The following EBNA1BP2 variants were observed in gnomAD, a reference collection of about 807,000 sequenced individuals.
EBNA1BP2 encodes the protein EBNA1 binding protein 2.
In EBNA1BP2, 36 loss-of-function variants were observed where a neutral mutation model predicts 43.5. That is an observed-to-expected ratio of 0.83 (90% CI 0.63 to 1.09). The LOEUF (loss-of-function observed/expected upper bound fraction) is 1.09, where lower values mean the gene tolerates loss of function less well. Among genes scored for constraint, EBNA1BP2 ranks in the 50% least tolerant of loss-of-function variants. The pLI is 0.00. For synonymous variants in EBNA1BP2, 127 were observed against 141.3 expected (o/e 0.90, Z 0.72); for missense variants, 332 against 379.1 (o/e 0.88, Z 1.03).
intron 3 of EBNA1BP2, chr1:43,171,089 TA>T (rs1178359412): frequency 3.2e-6 from 2 of 628,904 alleles, no homozygotes; most frequent in East Asian, 4.1e-5. Flanking sequence ...GGGGTGTTGC[TA>T]AAAATAGTTT....
intron 5 of EBNA1BP2, 28 bp from the exon 6 acceptor site, chr1:43,167,263 A>G (rs756941427): frequency 6.2e-7 from 1 of 1,605,486 alleles, no homozygotes; most frequent in African/African-American, 1.3e-5. Context: ...GGACCGTTAC[A>G]GCCATTCCAT....
At chr1:43,164,863 G>A in intron 7 of EBNA1BP2, 58 bp from the exon 8 acceptor site, 1 of 1,588,080 alleles carries the variant, frequency 6.3e-7, no homozygotes, top group Non-Finnish European at 8.6e-7. Flanking sequence ...TGAACCTGAT[G>A]GCCCAGCAAT....
In EBNA1BP2 at chr1:43,172,280, A is replaced by G; in HGVS notation, c.-162T>C. Reference sequence around the variant, plus strand: ...AATCGCTCCAGCGCCAGCAACTCACAGCTACTGCTCAACTTTTGATTGGGA... The same window carrying G: ...AATCGCTCCAGCGCCAGCAACTCACGGCTACTGCTCAACTTTTGATTGGGA... On this transcript the variant is annotated 5_prime_UTR_variant, in exon 1 of 9. Transcript: ENST00000236051. 1 of 1,552,580 alleles carries G rather than the reference A, an allele frequency of 6.4e-7. No homozygotes were observed. The highest frequency in any genetic ancestry group is 8.7e-7 in the Non-Finnish European group (1 of 1,147,372).
In EBNA1BP2 at chr1:43,164,256, T is replaced by C. The variant is rs769298575; in HGVS notation, c.*187A>G. ...TGTCTAAATTATCAATAGATAGCAA[T>C]GGAAAGTAACTTCTCAATCTTTTAG... On this transcript the variant is annotated 3_prime_UTR_variant, in exon 9 of 9. Transcript: ENST00000236051. 3.3e-5 allele frequency: 21 copies of C among 643,520 alleles called. No homozygotes were observed. Among genetic ancestry groups the C allele is most frequent in the Non-Finnish European group, 5.3e-5 (20 of 377,684 alleles). The allele number at this position is 643,520 out of a possible 1,614,324, so 39.9% of individuals were successfully genotyped here.
In EBNA1BP2 at chr1:43,170,811, T is replaced by C. The variant is rs1416385359; in HGVS notation, c.392A>G (p.Lys131Arg). 6.2e-7 allele frequency: 1 copy of C among 1,607,970 alleles called. No individual in the cohort carries two copies. The change falls in exon 4 of 9, where the codon AAG (lysine) becomes AGG (arginine). Residue 131 changes from lysine (K) to arginine (R), a missense_variant. Transcript: ENST00000236051. ...PRLHQLKVPT[K>R]RPTDYFAEMA... ...TTCCGCAAAATAATCAGTGGGTCGC[T>C]TCGTAGGGACTTTGAGCTGATGGAG...
chr1:43,170,850 G>A lies in EBNA1BP2; in HGVS notation c.353C>T (p.Ala118Val). Residue 118 changes from alanine to valine, a missense_variant, in exon 4 of 9, where the codon GCA (alanine) becomes GTA (valine). Ala to Val is a moderately conservative substitution (Grantham distance 64). Around this residue, in one of 3 missense-constraint regions of EBNA1BP2, gnomAD observed 182 missense variants for 173.7 expected, o/e 1.05. Coordinates refer to ENST00000236051, the MANE Select transcript of EBNA1BP2 (RefSeq NM_006824.3). ...FYRQAQAAVL[A>V]VLPRLHQLKV... ...GAGCTGATGGAGGCGGGGTAAGACT[G>A]CAAGCACTGCGGCCTGGGCTTGGCG... The A allele has an allele frequency of 6.3e-7, 1 of 1,596,592 alleles. No individual in the cohort carries two copies. Among genetic ancestry groups the A allele is most frequent in the Non-Finnish European group, 8.5e-7 (1 of 1,173,314 alleles).
intron 4 of EBNA1BP2, 26 bp downstream of exon 4, chr1:43,170,730 T>A: frequency 1.3e-6 from 2 of 1,599,198 alleles, no homozygotes; most frequent in South Asian, 1.1e-5. Flanking sequence ...GTTTTGACTT[T>A]CCAGAGGAAA....
chr1:43,166,955 G>A (rs765401823), intron 6 of EBNA1BP2, 36 bp from the exon 7 acceptor site: 6 of 1,597,270 alleles, frequency 3.8e-6, no homozygotes, highest in Non-Finnish European at 5.1e-6. Flanking sequence ...CAGCACCATT[G>A]TATTTTAAGA....
intron 5 of EBNA1BP2, among the ~76,000 whole-genome samples, chr1:43,168,569 T>C (rs1439782091): frequency 6.6e-6 from 1 of 152,208 alleles, no homozygotes; most frequent in Non-Finnish European, 1.5e-5. Flanking sequence ...TGGAAAGCTT[T>C]TGGGGAAGAG....
At position 43,172,238 on chromosome 1, in the gene EBNA1BP2, G is replaced by A; in HGVS notation, c.-120C>T. 1 of 1,564,324 alleles carries A rather than the reference G, an allele frequency of 6.4e-7. No individual in the cohort carries two copies. The highest frequency in any genetic ancestry group is 8.7e-7 in the Non-Finnish European group (1 of 1,153,446). ...CTTCAGCCCCCTACTCCCACGCCGT[G>A]GCTCCACGTGCCACCGAATCGCTCC... On this transcript the variant is annotated 5_prime_UTR_variant, in exon 1 of 9. Transcript: ENST00000236051.
At chr1:43,171,126 C>G in intron 3 of EBNA1BP2, 1 of 489,168 alleles carries the variant, frequency 2.0e-6, no homozygotes, top group Non-Finnish European at 3.3e-6. Flanking sequence ...CTAAAGGTAC[C>G]CATTAACACA....
intron 5 of EBNA1BP2, among the ~76,000 whole-genome samples, chr1:43,168,522 C>T (rs1344756897): frequency 6.6e-6 from 1 of 152,148 alleles, no homozygotes; most frequent in African/African-American, 2.4e-5. Context: ...TCACATAGAT[C>T]AGTGAATCCC....
In EBNA1BP2 at chr1:43,170,734, G is replaced by A. The variant is rs115892128; in HGVS notation, c.447+22C>T. On this transcript the variant is annotated intron_variant, in intron 4 of 8. Coordinates refer to ENST00000236051, the MANE Select transcript of EBNA1BP2 (RefSeq NM_006824.3). ...TTAAGTACAAAGTTTTGACTTTCCA[G>A]AGGAAAACTTCTATTTCTTACCTTC... The A allele has an allele frequency of 3.9e-3, 6,243 of 1,599,460 alleles. 208 individuals carry two copies. The African/African-American group carries it at 0.073, about 19-fold the overall frequency.
At chr1:43,172,554 G>C, upstream of EBNA1BP2, 1 of 889,632 alleles carries the variant, frequency 1.1e-6, no homozygotes, top group Non-Finnish European at 1.7e-6. Flanking sequence ...TGGCGCGGAG[G>C]AGGACCCCGG....
intron 4 of EBNA1BP2, among the ~76,000 whole-genome samples, chr1:43,169,784 C>T (rs1002415553): frequency 2.0e-5 from 3 of 152,178 alleles, no homozygotes; most frequent in African/African-American, 7.2e-5. Context: ...CCAGGCCGCA[C>T]AGCAGAAAGT....
chr1:43,172,380 CG>C, upstream of EBNA1BP2: 1 of 1,551,480 alleles, frequency 6.4e-7, no homozygotes, highest in African/African-American at 1.4e-5. Context: ...TGAAAGTGTC[CG>C]GGTTGCTTAG....
At chr1:43,164,858 C>G in intron 7 of EBNA1BP2, 53 bp from the exon 8 acceptor site, 1 of 1,596,270 alleles carries the variant, frequency 6.3e-7, no homozygotes, top group South Asian at 1.1e-5. Context: ...CCTGATGAAC[C>G]TGATGGCCCA....
chr1:43,167,013 T>G (rs1384071456), intron 6 of EBNA1BP2, 94 bp from the exon 7 acceptor site: 8 of 1,509,944 alleles, frequency 5.3e-6, no homozygotes, highest in Non-Finnish European at 7.3e-6. Flanking sequence ...TACACTGATT[T>G]TAAGAGTCAC....
chr1:43,166,817 C>G lies in EBNA1BP2; in HGVS notation c.707+9G>C. On this transcript the variant is annotated intron_variant, in intron 7 of 8. Coordinates refer to ENST00000236051, the MANE Select transcript of EBNA1BP2 (RefSeq NM_006824.3). ...AGAACCAAAGAAACCATGCCAAAAC[C>G]CTTCTCACCCCTTCCTCATCTGCTG... 7 of 1,603,804 alleles carry G rather than the reference C, an allele frequency of 4.4e-6. No individual in the cohort carries two copies. Among genetic ancestry groups the G allele is most frequent in the Non-Finnish European group, 5.9e-6 (7 of 1,177,532 alleles).
Sources: allele counts gnomAD v4.1 joint callset (sites outside exome capture counted in the v4.1 genomes callset), GRCh38; gene constraint gnomAD v4.1.1; regional missense constraint gnomAD v4.1.1; transcripts MANE v1.5; gene names NCBI Gene and HGNC (gene_info 2026-07-23, HGNC 2026-07-21).